Variants in PRR14L observed in about 807,000 individuals in gnomAD.
PRR14L encodes the protein protein PRR14L.
A neutral mutation model predicts 155.0 loss-of-function variants in PRR14L; 80 were observed. That is an observed-to-expected ratio of 0.52 (90% CI 0.43 to 0.62). The LOEUF is 0.62. Ranked by LOEUF, PRR14L falls within the 20% of genes least tolerant of loss-of-function variation. The pLI, the probability that PRR14L is intolerant of heterozygous loss-of-function variation, is 0.00. For synonymous variants in PRR14L, 883 were observed against 916.0 expected (o/e 0.96, Z 0.65); for missense variants, 2,469 against 2,548.0 (o/e 0.97, Z 0.67).
rs1394126200 is a variant in PRR14L, at chr22:31,684,956, CCA to C, written c.*569_*570del. On this transcript the variant is annotated 3_prime_UTR_variant, in exon 9 of 9. Coordinates refer to ENST00000327423, the MANE Select transcript of PRR14L (RefSeq NM_173566.3). ...GAGGGGAGAAAACGATGGGAAAAAG[CCA>C]CACACACACAAACACTCTCACATAC... The C allele has an allele frequency of 1.3e-5, 2 of 152,214 alleles. No homozygotes were observed. The highest frequency in any genetic ancestry group is 1.9e-4 in the East Asian group (1 of 5,190). 9.4% of individuals were successfully genotyped at this position (152,214 alleles called of 1,614,324 possible). A position where few individuals can be genotyped will look rare whatever the true frequency, so the allele number is the denominator to read the frequency against.
At position 31,703,676 on chromosome 22, in the gene PRR14L, T is replaced by G. The variant is rs777182085; in HGVS notation, c.5874A>C (p.Val1958=). 1 of 1,610,422 alleles carries G rather than the reference T, an allele frequency of 6.2e-7. No individual in the cohort carries two copies. ...GGAGCTTGCTGACAGCTGATTCTGC[T>G]ACCAAGCAAGACTTTGGTACCAAGG... The part of the protein sequence containing the change: ...FPALVPKSCL[V]AESAVSKLLL... The change falls in exon 6 of 9, where the codon GTA becomes GTC. Residue 1958 remains valine, a synonymous_variant. Transcript: ENST00000327423.
At chr22:31,699,346 T>G (rs1015453665) in intron 7 of PRR14L, among the ~76,000 whole-genome samples, 4 of 152,190 alleles carry the variant, frequency 2.6e-5, no homozygotes, top group Non-Finnish European at 5.9e-5. Flanking sequence ...CCTCATGTTG[T>G]TTTAGTAATG....
At chr22:31,693,656 A>G (rs1439999659) in intron 7 of PRR14L, among the ~76,000 whole-genome samples, 1 of 152,148 alleles carries the variant, frequency 6.6e-6, no homozygotes, top group Non-Finnish European at 1.5e-5. Context: ...CTGTCTTCCA[A>G]AGAGGCTATA....
intron 3 of PRR14L, among the ~76,000 whole-genome samples, chr22:31,719,955 TG>T (rs1343020696): frequency 2.0e-5 from 3 of 152,064 alleles, no homozygotes; most frequent in African/African-American, 7.2e-5. Context: ...AGGCTGACCT[TG>T]AACACCTGAG....
At chr22:31,745,159 C>T (rs1297839529) in intron 1 of PRR14L, among the ~76,000 whole-genome samples, 6 of 152,114 alleles carry the variant, frequency 3.9e-5, no homozygotes, top group Admixed American at 6.6e-5. Flanking sequence ...AGGCGGATCA[C>T]GAGGTCAGGA....
chr22:31,701,010 GGA>G (rs1249427219), intron 7 of PRR14L, among the ~76,000 whole-genome samples: 1 of 149,502 alleles, frequency 6.7e-6, no homozygotes, highest in Non-Finnish European at 1.5e-5. Context: ...TTTTTGAGAC[GGA>G]GTTTTGCTCT....
At position 31,701,811 on chromosome 22, in the gene PRR14L, A is replaced by C. The variant is rs372014337; in HGVS notation, c.6001-49T>G. The C allele has an allele frequency of 3.4e-6, 5 of 1,450,900 alleles. No individual in the cohort carries two copies. In the Admixed American group the frequency reaches 7.2e-5, roughly 21 times the overall value. The allele number at this position is 1,450,900 out of a possible 1,614,324, so 89.9% of individuals were successfully genotyped here. ...AGATGGTCAAGCTGTAAGACATTTT[A>C]TTTATATATTTTTTGAGACAAGGTC... On this transcript the variant is annotated intron_variant, in intron 6 of 8. Transcript: ENST00000327423.
At chr22:31,731,744 T>C (rs2074751450) in intron 2 of PRR14L, among the ~76,000 whole-genome samples, 4 of 152,106 alleles carry the variant, frequency 2.6e-5, no homozygotes, top group African/African-American at 7.2e-5. Flanking sequence ...AGGCATTTTG[T>C]TTAGAAATGG....
chr22:31,737,031 CAAAAAAAAAAAA>C (rs10589286), intron 2 of PRR14L, among the ~76,000 whole-genome samples: 35 of 49,852 alleles, frequency 7.0e-4, no homozygotes, highest in African/African-American at 2.8e-3. Context: ...GTGAGAGACT[CAAAAAAAAAAAA>C]AAAAAAAAAA....
At chr22:31,723,697 G>A (rs1427592166) in intron 3 of PRR14L, among the ~76,000 whole-genome samples, 1 of 152,228 alleles carries the variant, frequency 6.6e-6, no homozygotes, top group Admixed American at 6.5e-5. Flanking sequence ...CTGAGCCACA[G>A]AAGAAATCTG....
chr22:31,693,590 G>A (rs900444202), intron 7 of PRR14L, among the ~76,000 whole-genome samples: 1 of 152,226 alleles, frequency 6.6e-6, no homozygotes, highest in African/African-American at 2.4e-5. Context: ...ATACCAAGGA[G>A]TGCAGCTGCT....
Position 31,714,823 on chromosome 22 carries a change from C to A in PRR14L, c.3016G>T (p.Gly1006Trp). The change falls in exon 4 of 9, where the codon GGG becomes TGG. Residue 1006 changes from glycine (G) to tryptophan (W), a missense_variant. By Grantham distance (184) the Gly-to-Trp change is radical (BLOSUM62 -2). This residue lies in a region of PRR14L where 2,363 missense variants were observed against 2,371.6 expected (regional missense o/e 1.00). Coordinates refer to ENST00000327423, the MANE Select transcript of PRR14L (RefSeq NM_173566.3). ...DQRETVTEPHGEVNHNQKDLL... is the reference protein window; with the variant it reads ...DQRETVTEPHWEVNHNQKDLL... Reference sequence around the variant, plus strand: ...TCCTTTTGGTTGTGGTTTACCTCCCCGTGAGGCTCGGTGACAGTCTCTCTC... The same window carrying A: ...TCCTTTTGGTTGTGGTTTACCTCCCAGTGAGGCTCGGTGACAGTCTCTCTC... 1.3e-6 allele frequency: 2 copies of A among 1,552,096 alleles called. No individual in the cohort carries two copies. The highest frequency in any genetic ancestry group is 1.7e-6 in the Non-Finnish European group (2 of 1,147,070).
intron 3 of PRR14L, among the ~76,000 whole-genome samples, chr22:31,720,098 T>C (rs1309772354): frequency 6.6e-6 from 1 of 152,132 alleles, no homozygotes; most frequent in Non-Finnish European, 1.5e-5. Flanking sequence ...GAAAGTACAA[T>C]TACCTCAGTG....
At chr22:31,695,263 G>A (rs2074530151) in intron 7 of PRR14L, among the ~76,000 whole-genome samples, 1 of 152,176 alleles carries the variant, frequency 6.6e-6, no homozygotes, top group South Asian at 2.1e-4. Context: ...TGTGATAACG[G>A]AATCCTAGGC....
chr22:31,698,705 G>C (rs1354301258), intron 7 of PRR14L, among the ~76,000 whole-genome samples: 1 of 151,826 alleles, frequency 6.6e-6, no homozygotes, highest in African/African-American at 2.4e-5. Context: ...CGGATCACGG[G>C]GTCAGGAGAT....
chr22:31,740,684 C>T (rs1249868611), intron 1 of PRR14L, among the ~76,000 whole-genome samples: 1 of 152,120 alleles, frequency 6.6e-6, no homozygotes, highest in African/African-American at 2.4e-5. Flanking sequence ...TTGATGCTTT[C>T]CCTAACCCTA....
At chr22:31,693,471 C>G (rs1034474031) in intron 7 of PRR14L, among the ~76,000 whole-genome samples, 2 of 152,180 alleles carry the variant, frequency 1.3e-5, no homozygotes, top group Non-Finnish European at 2.9e-5. Context: ...ATTCATTCAG[C>G]TACTGACGGA....
rs1386203551 is a variant in PRR14L at position 31,738,487 on chromosome 22, G to A, written c.374C>T (p.Pro125Leu). 6.4e-7 allele frequency: 1 copy of A among 1,552,050 alleles called. No individual in the cohort carries two copies. The highest frequency in any genetic ancestry group is 8.7e-7 in the Non-Finnish European group (1 of 1,147,094). The part of the protein sequence containing the change: ...ESMEPKVFRD[P>L]GGQAGIIREP... ...TCTTATAATTCCTGCCTGGCCCCCT[G>A]GATCTCTGAAGACCTTTGGCTCCAT... Residue 125 changes from proline (P) to leucine (L), a missense_variant, in exon 2 of 9, where the codon CCA (proline) becomes CTA (leucine). Transcript: ENST00000327423.
chr22:31,693,522 C>A (rs1569497262), intron 7 of PRR14L, among the ~76,000 whole-genome samples: 1 of 152,162 alleles, frequency 6.6e-6, no homozygotes, highest in Non-Finnish European at 1.5e-5. Flanking sequence ...CTGAATAAAG[C>A]TGCTATGAAC....
Sources: gnomAD v4.1 joint callset for allele counts (sites outside exome capture counted in the v4.1 genomes callset) on GRCh38, gnomAD v4.1.1 for gene constraint, gnomAD v4.1.1 regional missense constraint, MANE v1.5 for transcripts, NCBI Gene and HGNC (gene_info 2026-07-23, HGNC 2026-07-21) for gene names.